AGO4: variants seen among roughly 807,000 people sequenced by gnomAD.
The protein encoded by AGO4 is protein argonaute-4.
In AGO4, 33 loss-of-function variants were observed where a neutral mutation model predicts 104.7. The ratio of observed to expected loss-of-function variants is 0.32; its 90% confidence interval spans 0.24 to 0.42. The LOEUF (loss-of-function observed/expected upper bound fraction) is 0.42. AGO4 is among the 10% of genes least tolerant of loss of function. The pLI is 1.00. For missense variants in AGO4, 711 were observed against 1,083.4 expected, an observed-to-expected ratio of 0.66 and a Z score of 4.83; for synonymous variants, 331 against 364.7, an observed-to-expected ratio of 0.91 and a Z score of 1.05.
chr1:35,831,336 G>C, intron 7 of AGO4, 91 bp from the exon 8 acceptor site: 1 of 1,392,082 alleles, frequency 7.2e-7, no homozygotes, highest in Non-Finnish European at 9.7e-7. Flanking sequence ...GGGCGACAGA[G>C]TGAGACACTG....
At chr1:35,845,348 C>G (rs1644547063) in intron 15 of AGO4, among the ~76,000 whole-genome samples, 1 of 151,874 alleles carries the variant, frequency 6.6e-6, no homozygotes, top group South Asian at 2.1e-4. Context: ...GTTGGGATTA[C>G]AGGCGCATAT....
At chr1:35,831,701 A>G in intron 8 of AGO4, 111 bp from the exon 9 acceptor site, 5 of 1,546,470 alleles carry the variant, frequency 3.2e-6, no homozygotes, top group Non-Finnish European at 4.3e-6. Flanking sequence ...TGATTTCACT[A>G]TATAACCAAA....
chr1:35,819,785 G>A (rs913569912), intron 2 of AGO4, among the ~76,000 whole-genome samples: 1 of 147,314 alleles, frequency 6.8e-6, no homozygotes. Context: ...GTGACAGAGT[G>A]AGACTCTGAG....
chr1:35,818,658 A>AAAGAAAGAAAGGAAGGAAGGAAGGAAGG (rs1553144552), intron 2 of AGO4, among the ~76,000 whole-genome samples: 3 of 61,510 alleles, frequency 4.9e-5, no homozygotes, highest in African/African-American at 1.1e-4. Context: ...AGAAAGAAAG[A>AAAGAAAGAAAGGAAGGAAGGAAGGAAGG]AAGGAAGAAA....
chr1:35,829,525 C>G (rs898031278), intron 7 of AGO4, among the ~76,000 whole-genome samples: 5 of 152,014 alleles, frequency 3.3e-5, no homozygotes, highest in African/African-American at 1.2e-4. Flanking sequence ...CTTTGTAAGG[C>G]TGTGGCAGTT....
Position 35,850,197 on chromosome 1 carries a change from A to T in AGO4, c.2216A>T (p.Asp739Val). 1 of 1,613,832 alleles carries T rather than the reference A, an allele frequency of 6.2e-7. No homozygotes were observed. Among genetic ancestry groups the T allele is most frequent in the Non-Finnish European group, 8.5e-7 (1 of 1,179,836 alleles). Reference sequence around the variant, plus strand: ...AATGTACCAGCAGGCACTACAGTGGATAGTACCATCACACATCCATCTGAG... The same window carrying T: ...AATGTACCAGCAGGCACTACAGTGGTTAGTACCATCACACATCCATCTGAG... ...SGNVPAGTTV[D>V]STITHPSEFD... Residue 739 changes from aspartate to valine, a missense_variant, in exon 16 of 18, where the codon GAT becomes GTT. Physicochemically the swap from Asp to Val is radical, Grantham distance 152. Around this residue, in one of 3 missense-constraint regions of AGO4, gnomAD observed 401 missense variants for 665.5 expected, o/e 0.60. Coordinates refer to ENST00000373210, the MANE Select transcript of AGO4 (RefSeq NM_017629.4).
At chr1:35,820,363 T>C (rs1481826841) in intron 2 of AGO4, among the ~76,000 whole-genome samples, 3 of 152,084 alleles carry the variant, frequency 2.0e-5, no homozygotes, top group African/African-American at 7.2e-5. Context: ...TTTTTATTTA[T>C]GTATTTTTTT....
intron 15 of AGO4, among the ~76,000 whole-genome samples, chr1:35,847,076 A>T (rs551456179): frequency 6.7e-6 from 1 of 150,176 alleles, no homozygotes; most frequent in Non-Finnish European, 1.5e-5. Flanking sequence ...CATATGTTTT[A>T]AAACAGGGGT....
At chr1:35,838,471 G>A (rs1207121391) in intron 13 of AGO4, among the ~76,000 whole-genome samples, 1 of 152,200 alleles carries the variant, frequency 6.6e-6, no homozygotes, top group Non-Finnish European at 1.5e-5. Flanking sequence ...ATAGACGTGA[G>A]CCACCATGCC....
intron 15 of AGO4, among the ~76,000 whole-genome samples, chr1:35,847,551 G>A (rs1417196692): frequency 1.3e-5 from 2 of 152,144 alleles, no homozygotes; most frequent in East Asian, 3.8e-4. Flanking sequence ...TTACAAATGT[G>A]TACTGGGCCA....
Position 35,832,663 on chromosome 1 carries a change from T to G in AGO4, c.1379+93T>G. On this transcript the variant is annotated intron_variant, in intron 11 of 17. Coordinates refer to ENST00000373210, the MANE Select transcript of AGO4 (RefSeq NM_017629.4). ...ATGTGCTGTGTACACTGGCACTAAA[T>G]CCCTGACTCCCATAGTGACACCATC... 2.1e-6 allele frequency: 3 copies of G among 1,442,516 alleles called. No homozygotes were observed. The South Asian group carries it at 4.6e-5, about 22-fold the overall frequency. The allele number at this position is 1,442,516 out of a possible 1,614,324, so 89.4% of individuals were successfully genotyped here. A position where few individuals can be genotyped will look rare whatever the true frequency, so the allele number is the denominator to read the frequency against.
chr1:35,851,355 A>G (rs1201736748), intron 17 of AGO4, among the ~76,000 whole-genome samples: 2 of 152,200 alleles, frequency 1.3e-5, no homozygotes, highest in African/African-American at 4.8e-5. Context: ...AAAGTGGTCA[A>G]CACAGTACCC....
At position 35,856,281 on chromosome 1, in the gene AGO4, A is replaced by G. The variant is rs1007813033; in HGVS notation, c.*2676A>G. ...TCACTGCAGAATCAGAGTTGCAGCA[A>G]TATGATTGCAAGCAAGTCTGAATGC... On this transcript the variant is annotated 3_prime_UTR_variant, in exon 18 of 18. Coordinates refer to ENST00000373210, the MANE Select transcript of AGO4 (RefSeq NM_017629.4). 1 of 152,252 alleles carries G rather than the reference A, an allele frequency of 6.6e-6. No homozygotes were observed. The highest frequency in any genetic ancestry group is 2.4e-5 in the African/African-American group (1 of 41,470). The allele number at this position is 152,252 out of a possible 1,614,324, so 9.4% of individuals were successfully genotyped here.
At chr1:35,839,647 A>T (rs562543307) in intron 13 of AGO4, among the ~76,000 whole-genome samples, 2 of 152,192 alleles carry the variant, frequency 1.3e-5, no homozygotes, top group African/African-American at 4.8e-5. Context: ...TGTGTTGCCT[A>T]TATATGTCCG....
intron 13 of AGO4, among the ~76,000 whole-genome samples, chr1:35,838,167 C>T (rs1044104490): frequency 2.6e-5 from 4 of 152,162 alleles, no homozygotes; most frequent in African/African-American, 9.7e-5. Flanking sequence ...ATTCTCCTGC[C>T]TCAGCCTCCC....
chr1:35,838,637 G>C (rs1644370117), intron 13 of AGO4, among the ~76,000 whole-genome samples: 2 of 152,120 alleles, frequency 1.3e-5, no homozygotes, highest in South Asian at 4.1e-4. Context: ...TCTAGAGTAA[G>C]CAAACACCAA....
chr1:35,820,400 C>G (rs539236311), intron 2 of AGO4, among the ~76,000 whole-genome samples: 1 of 152,032 alleles, frequency 6.6e-6, no homozygotes, highest in South Asian at 2.1e-4. Flanking sequence ...CTCTGTCACC[C>G]AGGTTGGAGT....
At position 35,832,147 on chromosome 1, in the gene AGO4, A is replaced by C; in HGVS notation, c.1207A>C (p.Arg403=). ...VHNEMTELTG[R]VLPAPMLQYG... Reference sequence around the variant, plus strand: ...CAATGAAATGACAGAGCTCACAGGCAGGGTACTTCCAGCACCAATGCTGCA... The same window carrying C: ...CAATGAAATGACAGAGCTCACAGGCCGGGTACTTCCAGCACCAATGCTGCA... Residue 403 remains arginine, a synonymous_variant, in exon 10 of 18, where the codon AGG becomes CGG. Transcript: ENST00000373210. 6.2e-7 allele frequency: 1 copy of C among 1,614,178 alleles called. No individual in the cohort carries two copies. The highest frequency in any genetic ancestry group is 8.5e-7 in the Non-Finnish European group (1 of 1,180,026).
intron 15 of AGO4, among the ~76,000 whole-genome samples, chr1:35,847,435 T>C (rs1203983508): frequency 6.6e-6 from 1 of 152,092 alleles, no homozygotes; most frequent in African/African-American, 2.4e-5. Context: ...AGTTTCACCA[T>C]GTTGGCCAGG....
Sources: allele counts gnomAD v4.1 joint callset (sites outside exome capture counted in the v4.1 genomes callset), GRCh38; gene constraint gnomAD v4.1.1; regional missense constraint gnomAD v4.1.1; transcripts MANE v1.5; gene names NCBI Gene and HGNC (gene_info 2026-07-23, HGNC 2026-07-21).